Variants in MACROD2 observed in about 807,000 individuals in gnomAD.
MACROD2 encodes the protein mono-ADP ribosylhydrolase 2, also known as ADP-ribose glycohydrolase MACROD2.
Under a neutral mutation model 70.4 loss-of-function variants are expected in MACROD2, and 36 were observed. The ratio of observed to expected loss-of-function variants is 0.51; its 90% CI spans 0.39 to 0.68. The LOEUF (loss-of-function observed/expected upper bound fraction) is 0.68. MACROD2 is among the 30% of genes least tolerant of loss of function. MACROD2 has a pLI of 0.00. For missense variants in MACROD2, 496 were observed against 538.4 expected (o/e 0.92, Z 0.78); for synonymous variants, 172 against 178.8 (o/e 0.96, Z 0.30).
chr20:14,220,205 G>A (rs576950488), intron 3 of MACROD2, among the ~76,000 whole-genome samples: 101 of 152,166 alleles, frequency 6.6e-4, no homozygotes, highest in African/African-American at 2.0e-3. Flanking sequence ...GTCTTGCTGC[G>A]GCTGCTGTTG....
chr20:14,516,064 A>G (rs1005512694), intron 4 of MACROD2, among the ~76,000 whole-genome samples: 5 of 148,664 alleles, frequency 3.4e-5, no homozygotes, highest in Non-Finnish European at 5.9e-5. Context: ...TAAAATCATT[A>G]TCTCTCAAAT....
Position 14,082,851 on chromosome 20 carries a change from G to A in MACROD2, c.164-2770G>A, listed in dbSNP as rs111509052. ...AAATGTTTATTGTCATTTAACAATC[G>A]TTAATGGAGAATCAAGAGTTTATAA... On this transcript the variant is annotated intron_variant, in intron 2 of 17. Transcript: ENST00000684519. Among the ~76,000 whole-genome samples, 585 of 152,174 alleles carry A rather than the reference G, an allele frequency of 3.8e-3. 6 individuals carry two copies. Among genetic ancestry groups the A allele is most frequent in the African/African-American group, 0.013 (538 of 41,526 alleles).
chr20:14,527,780 A>T (rs1311567382), intron 4 of MACROD2, among the ~76,000 whole-genome samples: 1 of 152,208 alleles, frequency 6.6e-6, no homozygotes, highest in African/African-American at 2.4e-5. Context: ...TGTTTTTCAC[A>T]TGTGGTTCAC....
At chr20:14,463,698 G>A (rs1487837901) in intron 3 of MACROD2, among the ~76,000 whole-genome samples, 31 of 152,016 alleles carry the variant, frequency 2.0e-4, no homozygotes, top group Admixed American at 2.0e-3. Context: ...ATTATTTTGA[G>A]ATATGTCCCA....
intron 8 of MACROD2, among the ~76,000 whole-genome samples, chr20:15,677,480 C>G (rs181927728): frequency 6.6e-6 from 1 of 152,228 alleles, no homozygotes; most frequent in Admixed American, 6.5e-5. Flanking sequence ...CCAGGTAGCT[C>G]TGCAGCAGAG....
At chr20:15,739,337 G>A (rs1241687146) in intron 8 of MACROD2, among the ~76,000 whole-genome samples, 1 of 152,124 alleles carries the variant, frequency 6.6e-6, no homozygotes, top group African/African-American at 2.4e-5. Flanking sequence ...ATGAGAGATA[G>A]GGGTTCAAAT....
intron 6 of MACROD2, among the ~76,000 whole-genome samples, chr20:15,265,367 C>A (rs1010703933): frequency 6.6e-6 from 1 of 152,174 alleles, no homozygotes; most frequent in Non-Finnish European, 1.5e-5. Context: ...GATGCCAAGA[C>A]CCCACCAGCA....
At chr20:15,622,958 G>C (rs1210220929) in intron 8 of MACROD2, among the ~76,000 whole-genome samples, 2 of 152,080 alleles carry the variant, frequency 1.3e-5, no homozygotes, top group Non-Finnish European at 2.9e-5. Context: ...ATATCCACTG[G>C]GGATCTTGGA....
At chr20:14,960,041 CTCT>C (rs2122764179) in intron 5 of MACROD2, among the ~76,000 whole-genome samples, 1 of 152,232 alleles carries the variant, frequency 6.6e-6, no homozygotes, top group Admixed American at 6.5e-5. Flanking sequence ...TGTACAAATT[CTCT>C]TCCCAAAGAG....
intron 6 of MACROD2, among the ~76,000 whole-genome samples, chr20:15,276,053 C>T (rs1271187027): frequency 6.6e-6 from 1 of 152,074 alleles, no homozygotes; most frequent in East Asian, 1.9e-4. Flanking sequence ...GTGGGTGTTA[C>T]AAAACTTTTC....
chr20:14,068,629 C>T (rs2053799424), intron 2 of MACROD2, among the ~76,000 whole-genome samples: 3 of 151,932 alleles, frequency 2.0e-5, no homozygotes, highest in Non-Finnish European at 4.4e-5. Flanking sequence ...GTTAGGAGTA[C>T]CAGAGGGCTT....
chr20:14,944,900 C>T (rs1487427727), intron 5 of MACROD2, among the ~76,000 whole-genome samples: 1 of 152,074 alleles, frequency 6.6e-6, no homozygotes, highest in Admixed American at 6.5e-5. Context: ...CTTTTCTGTC[C>T]TTTATCCACT....
intron 3 of MACROD2, among the ~76,000 whole-genome samples, chr20:14,150,072 C>G (rs973977765): frequency 6.6e-6 from 1 of 152,166 alleles, no homozygotes; most frequent in African/African-American, 2.4e-5. Flanking sequence ...CCCACCTTTC[C>G]CCCATCATCC....
intron 3 of MACROD2, among the ~76,000 whole-genome samples, chr20:14,401,209 C>T (rs1221776693): frequency 4.6e-5 from 7 of 151,998 alleles, no homozygotes; most frequent in Non-Finnish European, 1.0e-4. Flanking sequence ...ATTTCCATTC[C>T]AGTAGGTTGA....
In MACROD2 at chr20:15,409,246, T is replaced by C. The variant is rs1050465689; in HGVS notation, c.541-22159T>C. Among the ~76,000 whole-genome samples, 16 of 152,314 alleles carry C rather than the reference T, an allele frequency of 1.1e-4. No homozygotes were observed. In the East Asian group the frequency reaches 3.1e-3, roughly 29 times the overall value. On this transcript the variant is annotated intron_variant, in intron 6 of 17. Coordinates refer to ENST00000684519, the MANE Select transcript of MACROD2 (RefSeq NM_001351661.2). ...CATTTTTATGGTTAAATTACAATGATTGAGCATCAAGCTTGCCTAAGATTT... is the reference window on the plus strand; with the variant it reads ...CATTTTTATGGTTAAATTACAATGACTGAGCATCAAGCTTGCCTAAGATTT...
chr20:15,987,345 GA>G (rs1184098782), intron 15 of MACROD2, among the ~76,000 whole-genome samples, 187 bp downstream of exon 15: 1 of 152,104 alleles, frequency 6.6e-6, no homozygotes, highest in African/African-American at 2.4e-5. Flanking sequence ...AAAATACTCG[GA>G]AGACTTATAG....
chr20:15,614,702 A>G (rs1221946917), intron 8 of MACROD2, among the ~76,000 whole-genome samples: 1 of 152,214 alleles, frequency 6.6e-6, no homozygotes, highest in Non-Finnish European at 1.5e-5. Context: ...TAAAGACAGT[A>G]GACATAAAGA....
At chr20:14,899,938 G>A (rs1373426599) in intron 5 of MACROD2, among the ~76,000 whole-genome samples, 1 of 152,040 alleles carries the variant, frequency 6.6e-6, no homozygotes, top group Non-Finnish European at 1.5e-5. Context: ...GGAAACTTAA[G>A]GAATTACTAA....
chr20:15,349,375 T>C (rs1288964268), intron 6 of MACROD2, among the ~76,000 whole-genome samples: 1 of 152,186 alleles, frequency 6.6e-6, no homozygotes, highest in Non-Finnish European at 1.5e-5. Context: ...ACACTGTTTT[T>C]GTGGGGACAC....
Sources: allele counts gnomAD v4.1 joint callset (sites outside exome capture counted in the v4.1 genomes callset), GRCh38; gene constraint gnomAD v4.1.1; transcripts MANE v1.5; gene names NCBI Gene and HGNC (gene_info 2026-07-23, HGNC 2026-07-21).